Variants in XYLB observed in about 807,000 individuals in gnomAD.
XYLB encodes xylulokinase.
A neutral mutation model predicts 78.7 loss-of-function variants in XYLB; 62 were observed. The observed-to-expected ratio is 0.79, with a 90% confidence interval of 0.64 to 0.97. The LOEUF (loss-of-function observed/expected upper bound fraction) is 0.97. XYLB is among the 50% of genes least tolerant of loss of function. The pLI is 0.00. For synonymous variants in XYLB, 245 were observed against 247.4 expected (o/e 0.99, Z 0.09); for missense variants, 687 against 676.8 (o/e 1.02, Z -0.17).
chr3:38,374,606 A>T, intron 11 of XYLB, 104 bp downstream of exon 11: 2 of 1,466,616 alleles, frequency 1.4e-6, no homozygotes, highest in Non-Finnish European at 1.9e-6. Flanking sequence ...CCAGGGTCCC[A>T]GGGTCTGGGT....
chr3:38,447,738 C>G, the XYLB span, among the ~76,000 whole-genome samples: 1 of 152,068 alleles, frequency 6.6e-6, no homozygotes, highest in Non-Finnish European at 1.5e-5. Context: ...ATCCTGCAAT[C>G]CCAGTATTGG....
chr3:38,430,163 C>G, the XYLB span, among the ~76,000 whole-genome samples: 1 of 152,196 alleles, frequency 6.6e-6, no homozygotes, highest in Non-Finnish European at 1.5e-5. Context: ...CTAATTTACA[C>G]TCCCACCAAC....
At chr3:38,405,031 C>T (rs1013369212) in intron 18 of XYLB, among the ~76,000 whole-genome samples, 6 of 152,080 alleles carry the variant, frequency 3.9e-5, no homozygotes, top group Non-Finnish European at 8.8e-5. Flanking sequence ...ACAGGGAAAA[C>T]TGCTTAGGGG....
At chr3:38,445,025 T>G in the XYLB span, among the ~76,000 whole-genome samples, 2 of 152,194 alleles carry the variant, frequency 1.3e-5, no homozygotes, top group Admixed American at 1.3e-4. Context: ...TCAGGTTTAG[T>G]GGCCCTTAAC....
At chr3:38,439,754 T>C in the XYLB span, among the ~76,000 whole-genome samples, 1 of 126,698 alleles carries the variant, frequency 7.9e-6, no homozygotes, top group South Asian at 2.8e-4. Context: ...ACAGTGAGAC[T>C]CCGTCTCAAA....
At chr3:38,442,720 ATTTTTTT>A in the XYLB span, among the ~76,000 whole-genome samples, 2 of 99,196 alleles carry the variant, frequency 2.0e-5, no homozygotes, top group African/African-American at 7.9e-5. Flanking sequence ...GGACTGCTGC[ATTTTTTT>A]TTTTTTTTTT....
the XYLB span, among the ~76,000 whole-genome samples, chr3:38,434,159 T>C: frequency 3.0e-3 from 452 of 152,294 alleles, 7 homozygotes; most frequent in African/African-American, 0.01. Flanking sequence ...TCTCCATGTT[T>C]CAATAATCTC....
chr3:38,351,747 A>AT (rs1472274860), intron 2 of XYLB, among the ~76,000 whole-genome samples: 1 of 152,204 alleles, frequency 6.6e-6, no homozygotes, highest in African/African-American at 2.4e-5. Context: ...ATTTTCTAGA[A>AT]TTTTGTATAG....
At chr3:38,445,597 A>C in the XYLB span, among the ~76,000 whole-genome samples, 1 of 152,228 alleles carries the variant, frequency 6.6e-6, no homozygotes, top group Non-Finnish European at 1.5e-5. Flanking sequence ...ACTCATGGCT[A>C]CATGGTCAAC....
intron 14 of XYLB, among the ~76,000 whole-genome samples, chr3:38,378,336 A>G (rs923750472): frequency 6.6e-6 from 1 of 152,220 alleles, no homozygotes; most frequent in Admixed American, 6.5e-5. Context: ...GGCACCGGGG[A>G]CACAAAGGAG....
intron 15 of XYLB, among the ~76,000 whole-genome samples, chr3:38,384,023 A>C (rs2125622445): frequency 6.6e-6 from 1 of 151,956 alleles, no homozygotes; most frequent in African/African-American, 2.4e-5. Flanking sequence ...TTGGGCACTG[A>C]GGGTGTTCTT....
chr3:38,357,531 C>T (rs1225786454), intron 2 of XYLB, among the ~76,000 whole-genome samples: 5 of 152,076 alleles, frequency 3.3e-5, no homozygotes, highest in African/African-American at 1.2e-4. Flanking sequence ...GAACTACAGG[C>T]ACCCGCCACC....
At chr3:38,400,091 A>G (rs181426707) in intron 17 of XYLB, among the ~76,000 whole-genome samples, 12 of 152,152 alleles carry the variant, frequency 7.9e-5, no homozygotes, top group African/African-American at 2.9e-4. Flanking sequence ...TGTATATCTG[A>G]CGCTACTACC....
chr3:38,391,295 A>C (rs557583996), intron 15 of XYLB, among the ~76,000 whole-genome samples: 1 of 152,132 alleles, frequency 6.6e-6, no homozygotes, highest in Non-Finnish European at 1.5e-5. Flanking sequence ...CTCCTCTTCC[A>C]CTGTATCCTC....
the XYLB span, among the ~76,000 whole-genome samples, chr3:38,427,114 G>A: frequency 1.3e-5 from 2 of 152,198 alleles, no homozygotes; most frequent in African/African-American, 4.8e-5. Flanking sequence ...GTCAATAAAT[G>A]TGTGGGTCAA....
chr3:38,419,378 T>C (rs537484092), downstream of XYLB, among the ~76,000 whole-genome samples: 327 of 151,864 alleles, frequency 2.2e-3, no homozygotes, highest in African/African-American at 7.6e-3. Context: ...TGAACATTGA[T>C]GTACAAATAT....
the XYLB span, among the ~76,000 whole-genome samples, chr3:38,436,597 C>T: frequency 6.6e-6 from 1 of 152,114 alleles, no homozygotes; most frequent in Non-Finnish European, 1.5e-5. Flanking sequence ...GATACCAAAA[C>T]CAGAAAAGGC....
intron 6 of XYLB, among the ~76,000 whole-genome samples, 163 bp downstream of exon 6, chr3:38,365,899 C>G (rs928278730): frequency 1.3e-5 from 2 of 152,066 alleles, no homozygotes; most frequent in African/African-American, 4.8e-5. Context: ...ACCTGCTGCC[C>G]TGTGTGTTCC....
intron 18 of XYLB, among the ~76,000 whole-genome samples, chr3:38,411,937 T>G (rs1194304495): frequency 6.6e-6 from 1 of 152,152 alleles, no homozygotes; most frequent in African/African-American, 2.4e-5. Flanking sequence ...CATATGAGGT[T>G]TTGAAGCCAG....
Sources: allele counts gnomAD v4.1 joint callset (sites outside exome capture counted in the v4.1 genomes callset), GRCh38; gene constraint gnomAD v4.1.1; transcripts MANE v1.5; gene names NCBI Gene and HGNC (gene_info 2026-07-23, HGNC 2026-07-21).